Variants in HIBADH observed in about 807,000 individuals in gnomAD.
HIBADH encodes 3-hydroxyisobutyrate dehydrogenase.
A neutral mutation model predicts 36.1 loss-of-function variants in HIBADH; 25 were observed. That is an observed-to-expected ratio of 0.69 (90% CI 0.50 to 0.97). The LOEUF (loss-of-function observed/expected upper bound fraction) is 0.97, where lower values mean the gene tolerates loss of function less well. Ranked by LOEUF, HIBADH falls within the 50% of genes least tolerant of loss-of-function variation. The pLI is 0.00. For missense variants in HIBADH, 421 were observed against 418.0 expected (o/e 1.01, Z -0.06); for synonymous variants, 160 against 149.5 (o/e 1.07, Z -0.51).
chr7:27,573,160 A>G (rs1281155260), intron 4 of HIBADH, among the ~76,000 whole-genome samples: 1 of 152,218 alleles, frequency 6.6e-6, no homozygotes, highest in Non-Finnish European at 1.5e-5. Context: ...AGAACAAACA[A>G]AACTCCAGAT....
At chr7:27,557,066 G>C (rs371735813) in intron 4 of HIBADH, among the ~76,000 whole-genome samples, 1 of 151,900 alleles carries the variant, frequency 6.6e-6, no homozygotes, top group African/African-American at 2.4e-5. Context: ...CTTGAGCCTA[G>C]GAGGTTGAGG....
At chr7:27,569,312 A>C (rs1220541814) in intron 4 of HIBADH, among the ~76,000 whole-genome samples, 1 of 152,096 alleles carries the variant, frequency 6.6e-6, no homozygotes. Context: ...CAGGGTTGGT[A>C]TCTTGTCTCT....
intron 4 of HIBADH, among the ~76,000 whole-genome samples, chr7:27,552,020 C>T (rs752203268): frequency 6.6e-6 from 1 of 152,152 alleles, no homozygotes; most frequent in African/African-American, 2.4e-5. Flanking sequence ...CAGAAAAAGG[C>T]GACAGCTGGG....
intron 4 of HIBADH, among the ~76,000 whole-genome samples, chr7:27,552,590 C>T (rs938824515): frequency 6.6e-6 from 1 of 152,180 alleles, no homozygotes; most frequent in South Asian, 2.1e-4. Flanking sequence ...CTTTACATAA[C>T]GCAGACAGTC....
At chr7:27,549,602 C>T (rs1784288107) in intron 4 of HIBADH, among the ~76,000 whole-genome samples, 1 of 152,124 alleles carries the variant, frequency 6.6e-6, no homozygotes, top group Admixed American at 6.6e-5. Flanking sequence ...CATGCAGGAA[C>T]AGTAAATGAA....
chr7:27,593,705 C>G (rs140253038), intron 4 of HIBADH, among the ~76,000 whole-genome samples: 1 of 151,458 alleles, frequency 6.6e-6, no homozygotes, highest in Non-Finnish European at 1.5e-5. Context: ...ATAAAACTTA[C>G]AAAAAGAGGC....
intron 6 of HIBADH, among the ~76,000 whole-genome samples, chr7:27,533,018 A>C (rs147318134): frequency 2.6e-4 from 39 of 152,314 alleles, no homozygotes; most frequent in African/African-American, 8.4e-4. Flanking sequence ...ATAAGGAGAA[A>C]ATACTTTTAA....
intron 1 of HIBADH, among the ~76,000 whole-genome samples, chr7:27,658,133 G>T (rs189531628): frequency 2.6e-5 from 4 of 151,796 alleles, no homozygotes; most frequent in African/African-American, 9.7e-5. Flanking sequence ...CTGAATAAGC[G>T]CTTGGCAAAT....
chr7:27,556,682 T>C (rs927879398), intron 4 of HIBADH, among the ~76,000 whole-genome samples: 14 of 152,218 alleles, frequency 9.2e-5, no homozygotes, highest in East Asian at 5.8e-4. Flanking sequence ...ACTGATCTGA[T>C]TGCCTTACTC....
intron 4 of HIBADH, among the ~76,000 whole-genome samples, chr7:27,593,799 T>C (rs868006664): frequency 6.6e-6 from 1 of 151,908 alleles, no homozygotes. Context: ...ACTAGTAGAA[T>C]AAGAGAATTC....
chr7:27,650,460 TTTTATTTATTTATTTATTTA>T (rs148153152), intron 1 of HIBADH, among the ~76,000 whole-genome samples: 73 of 140,204 alleles, frequency 5.2e-4, no homozygotes, highest in Middle Eastern at 3.6e-3. Flanking sequence ...CTTATTATAT[TTTTATTTATTTATTTATTTA>T]TTTATTTATT....
In HIBADH at chr7:27,629,271, T is replaced by G. The variant is rs1265967502; in HGVS notation, c.484+100A>C. 9 of 1,156,364 alleles carry G rather than the reference T, an allele frequency of 7.8e-6. No homozygotes were observed. The Admixed American group carries it at 1.3e-4, about 16-fold the overall frequency. 71.6% of individuals were successfully genotyped at this position (1,156,364 alleles called of 1,614,324 possible). On this transcript the variant is annotated intron_variant, in intron 4 of 7. Coordinates refer to ENST00000265395, the MANE Select transcript of HIBADH (RefSeq NM_152740.4). ...TTTTTAATGAGAATCCTGTAACAAG[T>G]CTAAAAATAACTACTACAAAACCAT...
At chr7:27,658,611 C>CA (rs1786352632) in intron 1 of HIBADH, among the ~76,000 whole-genome samples, 1 of 151,992 alleles carries the variant, frequency 6.6e-6, no homozygotes, top group South Asian at 2.1e-4. Flanking sequence ...CAAAGTAATG[C>CA]ATTTTCATTG....
intron 4 of HIBADH, among the ~76,000 whole-genome samples, chr7:27,560,075 G>A (rs548539041): frequency 1.6e-4 from 24 of 152,248 alleles, no homozygotes; most frequent in African/African-American, 5.3e-4. Context: ...TCTGCCCTAA[G>A]TTTTAGTTTC....
At position 27,632,338 on chromosome 7, in the gene HIBADH, T is replaced by C. The variant is rs1785761630; in HGVS notation, c.360A>G (p.Leu120=). The change falls in exon 3 of 8, where the codon CTA becomes CTG. Residue 120 remains leucine, a splice_region_variant and synonymous_variant. Coordinates refer to ENST00000265395, the MANE Select transcript of HIBADH (RefSeq NM_152740.4). The stretch of plus-strand genomic sequence containing the variant: ...ATCCACAGGTGAGAAATACATACTT[T>C]AGAATCCCATTTGCTCCGGAATAAG... ...IEAYSGANGI[L]KKVKKGSLLI... is the part of the protein sequence containing the mutation. 4 of 1,581,328 alleles carry C rather than the reference T, an allele frequency of 2.5e-6. No individual in the cohort carries two copies. The highest frequency in any genetic ancestry group is 3.5e-6 in the Non-Finnish European group (4 of 1,150,648).
intron 4 of HIBADH, among the ~76,000 whole-genome samples, chr7:27,597,075 GA>G (rs916506595): frequency 1.6e-4 from 25 of 151,742 alleles, no homozygotes; most frequent in Admixed American, 1.4e-3. Flanking sequence ...TAAAAAATCG[GA>G]AAAAATAAGC....
intron 4 of HIBADH, among the ~76,000 whole-genome samples, chr7:27,577,491 C>A (rs1377177973): frequency 6.6e-6 from 1 of 152,098 alleles, no homozygotes; most frequent in African/African-American, 2.4e-5. Context: ...AAAATGAATA[C>A]AAATCTTTTT....
intron 6 of HIBADH, among the ~76,000 whole-genome samples, chr7:27,532,712 T>C (rs1359241640): frequency 2.0e-5 from 3 of 152,208 alleles, no homozygotes; most frequent in East Asian, 3.8e-4. Context: ...TCAGTCTAAA[T>C]TGGCTATCAT....
At chr7:27,559,466 T>C (rs1049590368) in intron 4 of HIBADH, among the ~76,000 whole-genome samples, 5 of 151,716 alleles carry the variant, frequency 3.3e-5, no homozygotes, top group Admixed American at 3.3e-4. Context: ...TAGAAAAAAT[T>C]TAAAAAATAA....
Sources: gnomAD v4.1 joint callset for allele counts (sites outside exome capture counted in the v4.1 genomes callset) on GRCh38, gnomAD v4.1.1 for gene constraint, MANE v1.5 for transcripts, NCBI Gene and HGNC (gene_info 2026-07-23, HGNC 2026-07-21) for gene names.